The following CDH17 variants were observed in gnomAD, a reference collection of about 807,000 sequenced individuals.
CDH17 encodes the protein cadherin-17.
CDH17 carries 67 observed loss-of-function variants against 86.3 expected under a neutral mutation model. The observed-to-expected ratio is 0.78, with a 90% confidence interval of 0.64 to 0.95. The LOEUF is 0.95. Among genes scored for constraint, CDH17 ranks in the 40% least tolerant of loss-of-function variants. CDH17 has a pLI of 0.00. For missense variants in CDH17, 993 were observed against 1,017.6 expected, an observed-to-expected ratio of 0.98 and a Z score of 0.33; for synonymous variants, 367 against 366.4, an observed-to-expected ratio of 1.00 and a Z score of -0.02.
chr8:94,202,074 C>A (rs1813925509), intron 1 of CDH17: 2 of 162,226 alleles, frequency 1.2e-5, no homozygotes, highest in South Asian at 3.0e-4. Flanking sequence ...TTCTCTTTTT[C>A]TGTCAAAGAT....
In CDH17 at chr8:94,151,867, C is replaced by T; in HGVS notation, c.1796+1G>A. The T allele has an allele frequency of 6.2e-7, 1 of 1,614,138 alleles. No individual in the cohort carries two copies. On this transcript the variant is annotated splice_donor_variant, in intron 13 of 17. Transcript: ENST00000027335. LOFTEE classifies it high-confidence loss of function. ...GCCTGCCCAGCACTGTTGCCCTTTACCTTATGTCCAGACCTTCTGGATCCT... is the reference window on the plus strand; with the variant it reads ...GCCTGCCCAGCACTGTTGCCCTTTATCTTATGTCCAGACCTTCTGGATCCT...
chr8:94,210,042 G>T (rs576233615), upstream of CDH17, among the ~76,000 whole-genome samples: 2 of 151,538 alleles, frequency 1.3e-5, no homozygotes, highest in South Asian at 4.2e-4. Context: ...CATTTAGCAT[G>T]TCTGCAAAGT....
intron 5 of CDH17, among the ~76,000 whole-genome samples, chr8:94,175,570 A>G (rs1813355827): frequency 1.3e-5 from 2 of 152,158 alleles, no homozygotes; most frequent in African/African-American, 4.8e-5. Context: ...AGAACTCTGA[A>G]GTCTAATATT....
intron 1 of CDH17, among the ~76,000 whole-genome samples, chr8:94,201,696 A>T (rs1021828702): frequency 6.6e-6 from 1 of 151,982 alleles, no homozygotes; most frequent in African/African-American, 2.4e-5. Context: ...GCAAATGAAG[A>T]CCCCATGGAA....
chr8:94,155,944 G>C (rs902536079), intron 12 of CDH17, among the ~76,000 whole-genome samples: 3 of 152,136 alleles, frequency 2.0e-5, no homozygotes, highest in Non-Finnish European at 4.4e-5. Flanking sequence ...ATTATAAACG[G>C]AAGATGCTAA....
intron 12 of CDH17, among the ~76,000 whole-genome samples, chr8:94,159,693 T>TA (rs1813012672): frequency 6.6e-6 from 1 of 152,192 alleles, no homozygotes; most frequent in Admixed American, 6.5e-5. Context: ...ACACTTATAC[T>TA]AAAAAATTGT....
chr8:94,214,682 G>A (rs771027821), intron 1 of CDH17, among the ~76,000 whole-genome samples: 1 of 151,966 alleles, frequency 6.6e-6, no homozygotes, highest in Non-Finnish European at 1.5e-5. Context: ...GAACTTTTGT[G>A]ATTCAAAAAA....
At chr8:94,200,403 C>A (rs1041131320) in intron 1 of CDH17, among the ~76,000 whole-genome samples, 1 of 152,004 alleles carries the variant, frequency 6.6e-6, no homozygotes, top group African/African-American at 2.4e-5. Flanking sequence ...CAACCGTCTG[C>A]GTGGAATTTT....
chr8:94,128,279 T>G lies in CDH17; in HGVS notation c.2460A>C (p.Glu820Asp), dbSNP rs1426134603. The G allele has an allele frequency of 2.5e-6, 4 of 1,613,720 alleles. No homozygotes were observed. Among genetic ancestry groups the G allele is most frequent in the Non-Finnish European group, 1.7e-6 (2 of 1,179,796 alleles). Residue 820 changes from glutamate (E) to aspartate (D), a missense_variant, in exon 18 of 18, where the codon GAA becomes GAC. Coordinates refer to ENST00000027335, the MANE Select transcript of CDH17 (RefSeq NM_004063.4). The part of the protein sequence containing the change: ...IKKDKGKDNV[E>D]SAQASEVKPL... ...GTTTGACTTCAGATGCTTGAGCACT[T>G]TCAACATTATCTTTGCCTTTATCCT...
chr8:94,165,091 A>T (rs1211947673), intron 10 of CDH17, among the ~76,000 whole-genome samples: 1 of 152,208 alleles, frequency 6.6e-6, no homozygotes, highest in Admixed American at 6.5e-5. Context: ...AGAATTGGGA[A>T]ATACAATTCA....
At chr8:94,134,341 T>A (rs1212042071) in intron 15 of CDH17, among the ~76,000 whole-genome samples, 1 of 152,248 alleles carries the variant, frequency 6.6e-6, no homozygotes, top group Non-Finnish European at 1.5e-5. Flanking sequence ...AGCCTGTTAT[T>A]GGTCTATTCA....
chr8:94,174,291 A>C lies in CDH17; in HGVS notation c.425-31T>G, dbSNP rs1813329825. 3 of 1,556,858 alleles carry C rather than the reference A, an allele frequency of 1.9e-6. No homozygotes were observed. In the African/African-American group the frequency reaches 4.2e-5, roughly 22 times the overall value. ...TAACAAGACGTACCCAGAAAAAAAA[A>C]AAAAAAGATATTAATTGAAACCCAA... On this transcript the variant is annotated intron_variant, in intron 5 of 17. Coordinates refer to ENST00000027335, the MANE Select transcript of CDH17 (RefSeq NM_004063.4).
Position 94,146,179 on chromosome 8 carries a change from A to G in CDH17, c.1928-12T>C. 2.0e-6 allele frequency: 3 copies of G among 1,481,724 alleles called. No homozygotes were observed. The highest frequency in any genetic ancestry group is 2.7e-6 in the Non-Finnish European group (3 of 1,115,546). 91.8% of individuals were successfully genotyped at this position (1,481,724 alleles called of 1,614,324 possible). On this transcript the variant is annotated splice_polypyrimidine_tract_variant and intron_variant, in intron 14 of 17. Coordinates refer to ENST00000027335, the MANE Select transcript of CDH17 (RefSeq NM_004063.4). ...CAAGGAAGACCCCCCTAAGGAATTGAATGATTGAAACATGGGATCAGTTCA... is the reference window on the plus strand; with the variant it reads ...CAAGGAAGACCCCCCTAAGGAATTGGATGATTGAAACATGGGATCAGTTCA...
chr8:94,130,850 T>C (rs1479349556), intron 16 of CDH17, 26 bp downstream of exon 16: 4 of 1,529,846 alleles, frequency 2.6e-6, no homozygotes, highest in Non-Finnish European at 3.6e-6. Flanking sequence ...GATACTAGCC[T>C]GAGTTGCCTA....
chr8:94,205,733 G>A (rs1022782174), intron 1 of CDH17, among the ~76,000 whole-genome samples: 6 of 151,808 alleles, frequency 4.0e-5, no homozygotes, highest in African/African-American at 1.5e-4. Flanking sequence ...TTAAAAAATA[G>A]CAAATGCTCA....
intron 3 of CDH17, among the ~76,000 whole-genome samples, chr8:94,182,330 T>G (rs1319165290): frequency 2.6e-5 from 4 of 152,120 alleles, no homozygotes; most frequent in Non-Finnish European, 5.9e-5. Context: ...CAAGAAAACT[T>G]CAGACTAATG....
chr8:94,174,999 C>T (rs1215230578), intron 5 of CDH17, among the ~76,000 whole-genome samples: 2 of 152,146 alleles, frequency 1.3e-5, no homozygotes, highest in African/African-American at 4.8e-5. Flanking sequence ...AGAGACAGCT[C>T]ATGAGACTCA....
In CDH17 at chr8:94,141,669, A is replaced by AG. The variant is rs569797562; in HGVS notation, c.2167+4258dup. ...AAAATATCAAAAATATGAAATGCTT[A>AG]GGGAAAATTTTGTAAGAACTATACA... On this transcript the variant is annotated intron_variant, in intron 15 of 17. Transcript: ENST00000027335. Among the ~76,000 whole-genome samples, 168 of 152,286 alleles carry AG rather than the reference A, an allele frequency of 1.1e-3. 1 individual carries two copies. Among genetic ancestry groups the AG allele is most frequent in the African/African-American group, 3.8e-3 (160 of 41,592 alleles).
chr8:94,198,911 A>G (rs1813837058), intron 1 of CDH17, among the ~76,000 whole-genome samples: 1 of 152,028 alleles, frequency 6.6e-6, no homozygotes, highest in Non-Finnish European at 1.5e-5. Flanking sequence ...TACCGTGCCA[A>G]GAACTGGGGT....
Sources: gnomAD v4.1 joint callset for allele counts (sites outside exome capture counted in the v4.1 genomes callset) on GRCh38, gnomAD v4.1.1 for gene constraint, MANE v1.5 for transcripts, NCBI Gene and HGNC (gene_info 2026-07-23, HGNC 2026-07-21) for gene names.